Variants in ARID1B observed in about 807,000 individuals in gnomAD.
The protein encoded by ARID1B is AT-rich interactive domain-containing protein 1B.
A neutral mutation model predicts 212.3 loss-of-function variants in ARID1B; 30 were observed. The ratio of observed to expected loss-of-function variants is 0.14; its 90% confidence interval spans 0.11 to 0.19. The LOEUF is 0.19. ARID1B is among the 10% of genes least tolerant of loss of function. The pLI is 1.00. For synonymous variants in ARID1B, 1,402 were observed against 1,301.7 expected, an observed-to-expected ratio of 1.08 and a Z score of -1.66; for missense variants, 2,891 against 3,204.0, an observed-to-expected ratio of 0.90 and a Z score of 2.36.
intron 1 of ARID1B, chr6:156,780,327 T>C (rs539199115): frequency 6.6e-6 from 1 of 152,346 alleles, no homozygotes; most frequent in East Asian, 1.9e-4. Context: ...CCAGTGAAAA[T>C]TGATCTTTTG....
At chr6:157,081,251 C>A (rs1375603696) in intron 4 of ARID1B, among the ~76,000 whole-genome samples, 1 of 152,222 alleles carries the variant, frequency 6.6e-6, no homozygotes, top group Non-Finnish European at 1.5e-5. Context: ...CTGTTCTTTA[C>A]AGGCATCATA....
chr6:157,002,523 C>A (rs1370050666), intron 4 of ARID1B, among the ~76,000 whole-genome samples: 1 of 152,246 alleles, frequency 6.6e-6, no homozygotes, highest in Non-Finnish European at 1.5e-5. Flanking sequence ...GTAGCCACTG[C>A]ATTGCATTTT....
intron 5 of ARID1B, among the ~76,000 whole-genome samples, chr6:157,089,131 C>T (rs1459162072): frequency 6.6e-6 from 1 of 152,094 alleles, no homozygotes; most frequent in Non-Finnish European, 1.5e-5. Flanking sequence ...TAGCTGATAG[C>T]TGGGATGAAG....
At chr6:156,815,553 G>A (rs938383261) in intron 1 of ARID1B, among the ~76,000 whole-genome samples, 1 of 152,142 alleles carries the variant, frequency 6.6e-6, no homozygotes, top group Admixed American at 6.5e-5. Context: ...CAGAAGTTAT[G>A]ACAGCAGGGT....
chr6:157,184,188 C>T, intron 12 of ARID1B, 43 bp from the exon 13 acceptor site: 3 of 1,543,946 alleles, frequency 1.9e-6, no homozygotes, highest in Non-Finnish European at 2.6e-6. Context: ...TTTAAACAAG[C>T]CACTTTGTTG....
chr6:157,160,739 G>A (rs534379293), intron 8 of ARID1B, among the ~76,000 whole-genome samples: 55 of 152,218 alleles, frequency 3.6e-4, no homozygotes, highest in Non-Finnish European at 6.6e-4. Context: ...TTGCTCTACC[G>A]CATTTTCTCC....
At chr6:156,919,496 G>C (rs1188580946) in intron 3 of ARID1B, among the ~76,000 whole-genome samples, 2 of 152,158 alleles carry the variant, frequency 1.3e-5, no homozygotes, top group African/African-American at 4.8e-5. Flanking sequence ...CCTGAGAAGA[G>C]TAGCCAGGAA....
intron 2 of ARID1B, among the ~76,000 whole-genome samples, chr6:156,841,241 A>C (rs1329487868): frequency 6.6e-6 from 1 of 152,008 alleles, no homozygotes; most frequent in African/African-American, 2.4e-5. Context: ...CCCAGACTTG[A>C]TTTTCACAGT....
chr6:156,873,152 C>T (rs1377140035), intron 2 of ARID1B, among the ~76,000 whole-genome samples: 1 of 152,136 alleles, frequency 6.6e-6, no homozygotes, highest in Non-Finnish European at 1.5e-5. Flanking sequence ...TGCATGATGC[C>T]TGACAGATAA....
intron 2 of ARID1B, among the ~76,000 whole-genome samples, chr6:156,875,361 C>T (rs1158059978): frequency 6.6e-6 from 1 of 152,206 alleles, no homozygotes; most frequent in Non-Finnish European, 1.5e-5. Context: ...ATCCATTTTC[C>T]AGTCCAGTTA....
intron 7 of ARID1B, among the ~76,000 whole-genome samples, chr6:157,142,677 T>C (rs1789460902): frequency 1.3e-5 from 2 of 152,184 alleles, no homozygotes; most frequent in Admixed American, 1.3e-4. Context: ...TATTTTGTAG[T>C]AACTGTTATA....
In ARID1B at chr6:156,918,211, CAG is replaced by C. The variant is rs368561431; in HGVS notation, c.2136+16689_2136+16690del. On this transcript the variant is annotated intron_variant, in intron 3 of 19. Coordinates refer to ENST00000636930, the MANE Select transcript of ARID1B (RefSeq NM_001374828.1). ...AGGAACACAGAAGTCACATTAGGGA[CAG>C]AGGCTGTGATCCATTGTGGGGTAAA... 6.1e-4 allele frequency among the ~76,000 whole-genome samples: 93 copies of C among 152,270 alleles called. 1 individual carries two copies. In the East Asian group the frequency reaches 0.017, roughly 28 times the overall value.
chr6:157,104,495 A>G (rs1041191980), intron 5 of ARID1B, among the ~76,000 whole-genome samples: 1 of 152,232 alleles, frequency 6.6e-6, no homozygotes, highest in Non-Finnish European at 1.5e-5. Context: ...GTAAGCCTGG[A>G]AAACCCCGGA....
chr6:156,939,903 A>G (rs1439462540), intron 4 of ARID1B: 2 of 152,250 alleles, frequency 1.3e-5, no homozygotes, highest in Middle Eastern at 3.2e-3. Flanking sequence ...ACAGATGGGT[A>G]GTTAATAAAA....
intron 8 of ARID1B, chr6:157,149,179 A>G: frequency 3.6e-6 from 2 of 561,410 alleles, no homozygotes; most frequent in Non-Finnish European, 6.4e-6. Flanking sequence ...CGGTGAGCAC[A>G]TCAGTCGTGG....
chr6:157,135,976 T>C (rs1788876574), intron 7 of ARID1B, among the ~76,000 whole-genome samples: 2 of 152,216 alleles, frequency 1.3e-5, no homozygotes, highest in African/African-American at 4.8e-5. Context: ...TTTAAAGAAG[T>C]TTCAAATATT....
At position 157,086,979 on chromosome 6, in the gene ARID1B, T is replaced by G. The variant is rs142158122; in HGVS notation, c.2491+2074T>G. Among the ~76,000 whole-genome samples, 27 of 152,362 alleles carry G rather than the reference T, an allele frequency of 1.8e-4. No homozygotes were observed. In the East Asian group the frequency reaches 3.9e-3, roughly 22 times the overall value. On this transcript the variant is annotated intron_variant, in intron 5 of 19. Transcript: ENST00000636930. ...AACTCCTAGAAAGCTTTCCACTTTC[T>G]TGGACACGTTATTTAAAGTGTATAG...
intron 19 of ARID1B, chr6:157,204,728 G>T (rs550700667): frequency 1.5e-4 from 23 of 152,198 alleles, no homozygotes; most frequent in African/African-American, 5.5e-4. Flanking sequence ...CTGAAGTTTG[G>T]GGAAAATGCC....
At chr6:157,049,650 G>A (rs574745860) in intron 4 of ARID1B, among the ~76,000 whole-genome samples, 2 of 152,032 alleles carry the variant, frequency 1.3e-5, no homozygotes, top group African/African-American at 4.8e-5. Context: ...GAAGAGGGGA[G>A]GTGAAGAACA....
Sources: gnomAD v4.1 joint callset for allele counts (sites outside exome capture counted in the v4.1 genomes callset) on GRCh38, gnomAD v4.1.1 for gene constraint, MANE v1.5 for transcripts, NCBI Gene and HGNC (gene_info 2026-07-23, HGNC 2026-07-21) for gene names.